Variants in RETSAT observed in about 807,000 individuals in gnomAD.
RETSAT encodes the protein all-trans-retinol 13,14-reductase.
A neutral mutation model predicts 61.6 loss-of-function variants in RETSAT; 35 were observed. That is an observed-to-expected ratio of 0.57 (90% CI 0.43 to 0.75). The LOEUF (loss-of-function observed/expected upper bound fraction) is 0.75. RETSAT is among the 30% of genes least tolerant of loss of function. The pLI, the probability that RETSAT is intolerant of heterozygous loss-of-function variation, is 0.00. For synonymous variants in RETSAT, 277 were observed against 310.4 expected (o/e 0.89, Z 1.13); for missense variants, 670 against 759.5 (o/e 0.88, Z 1.38).
rs1683114138 is a variant in RETSAT, at chr2:85,343,048, C to G, written c.*194G>C. ...GTTATAAAAGGCGTAAAGATCTCAC[C>G]TGCCCCAGCTGGAAGCAGTGATTCC... On this transcript the variant is annotated 3_prime_UTR_variant, in exon 11 of 11. Transcript: ENST00000295802. 1.5e-6 allele frequency: 1 copy of G among 648,732 alleles called. No homozygotes were observed. Among genetic ancestry groups the G allele is most frequent in the Non-Finnish European group, 2.6e-6 (1 of 384,330 alleles). The allele number at this position is 648,732 out of a possible 1,614,324, so 40.2% of individuals were successfully genotyped here.
intron 6 of RETSAT, among the ~76,000 whole-genome samples, chr2:85,345,053 A>G (rs1683170611): frequency 6.6e-6 from 1 of 152,160 alleles, no homozygotes. Context: ...TCAGGGTCAC[A>G]GAGAGAAAGG....
chr2:85,350,012 C>T (rs1683270500), intron 4 of RETSAT, 28 bp downstream of exon 4: 1 of 1,604,096 alleles, frequency 6.2e-7, no homozygotes, highest in Non-Finnish European at 8.5e-7. Context: ...CCTCCAGAAG[C>T]TGCCCAGAGC....
At chr2:85,344,928 G>A (rs1683168192) in intron 6 of RETSAT, among the ~76,000 whole-genome samples, 196 bp from the exon 7 acceptor site, 1 of 152,190 alleles carries the variant, frequency 6.6e-6, no homozygotes, top group Non-Finnish European at 1.5e-5. Flanking sequence ...CATAGACAAG[G>A]GAAAATTGTA....
rs769534348 is a variant in RETSAT, at chr2:85,351,805, A to G, written c.230T>C (p.Phe77Ser). The G allele has an allele frequency of 3.1e-6, 5 of 1,613,986 alleles. No individual in the cohort carries two copies. In the African/African-American group the frequency reaches 4.0e-5, roughly 13 times the overall value. The change falls in exon 2 of 11, where the codon TTT becomes TCT. Residue 77 changes from phenylalanine (F) to serine (S), a missense_variant. Transcript: ENST00000295802. ...AATTGCAGCTGCAGCCAGGCCCCCA[A>G]AGCCACTGCCAATTACCACCACATC... ...KLDVVVIGSG[F>S]GGLAAAAILA...
intron 1 of RETSAT, 63 bp downstream of exon 1, chr2:85,354,273 G>T: frequency 6.3e-7 from 1 of 1,591,176 alleles, no homozygotes; most frequent in Admixed American, 1.7e-5. Context: ...TTGGCAAAAT[G>T]AGAACCCAAA....
At position 85,349,418 on chromosome 2, in the gene RETSAT, C is replaced by T; in HGVS notation, c.963G>A (p.Gln321=). The change falls in exon 5 of 11, where the codon CAG becomes CAA. Residue 321 remains glutamine (Q), a synonymous_variant. Transcript: ENST00000295802. Reference sequence around the variant, plus strand: ...TCCCAGCTGAGTCCAGCAACACACTCTGCACAGTGGCCTTTGTGAGGACAG... The same window carrying T: ...TCCCAGCTGAGTCCAGCAACACACTTTGCACAGTGGCCTTTGTGAGGACAG... ...GGAVLTKATV[Q]SVLLDSAGKA... 2 of 1,614,196 alleles carry T rather than the reference C, an allele frequency of 1.2e-6. No individual in the cohort carries two copies. The highest frequency in any genetic ancestry group is 8.5e-7 in the Non-Finnish European group (1 of 1,180,024).
chr2:85,354,011 A>G (rs555966998), intron 1 of RETSAT, among the ~76,000 whole-genome samples: 2 of 152,322 alleles, frequency 1.3e-5, no homozygotes, highest in African/African-American at 4.8e-5. Context: ...AGGTCCTGGA[A>G]CCAAGTGGAG....
At chr2:85,344,462 A>G in intron 7 of RETSAT, 114 bp from the exon 8 acceptor site, 2 of 1,526,640 alleles carry the variant, frequency 1.3e-6, no homozygotes, top group South Asian at 2.4e-5. Context: ...GCTGAGCCAC[A>G]GCCTTGGCGT....
At chr2:85,343,565 G>C in intron 10 of RETSAT, 74 bp downstream of exon 10, 1 of 1,583,982 alleles carries the variant, frequency 6.3e-7, no homozygotes, top group Non-Finnish European at 8.7e-7. Context: ...CAGGGCCTGA[G>C]GGCAGGAACA....
chr2:85,353,927 C>G (rs1426067182), intron 1 of RETSAT, among the ~76,000 whole-genome samples: 1 of 152,180 alleles, frequency 6.6e-6, no homozygotes, highest in Non-Finnish European at 1.5e-5. Flanking sequence ...ACGGGCAAAA[C>G]GCAATTTCCT....
intron 5 of RETSAT, among the ~76,000 whole-genome samples, chr2:85,348,765 T>G (rs1452661398): frequency 6.6e-6 from 1 of 151,948 alleles, no homozygotes; most frequent in Admixed American, 6.6e-5. Context: ...CTTTCTTTTT[T>G]TTTGAGATGG....
rs1375077137 is a variant in RETSAT, at chr2:85,344,245, ATCGGTCCTCCCAGG to A, written c.1346_1359del (p.Thr449IlefsTer19). 1 of 1,613,948 alleles carries A rather than the reference ATCGGTCCTCCCAGG, an allele frequency of 6.2e-7. No individual in the cohort carries two copies. Among genetic ancestry groups the A allele is most frequent in the Admixed American group, 1.7e-5 (1 of 60,000 alleles). ...CCGGGACGTGCAGCCCCACCTGGGAATCGGTCCTCCCAGGTCGGATCTTTGGCTGATGGGAAAGC... is the reference window on the plus strand; with the variant it reads ...CCGGGACGTGCAGCCCCACCTGGGAATCGGATCTTTGGCTGATGGGAAAGC... On this transcript the variant is annotated frameshift_variant, in exon 8 of 11. Coordinates refer to ENST00000295802, the MANE Select transcript of RETSAT (RefSeq NM_017750.4). LOFTEE classifies it high-confidence loss of function.
In RETSAT at chr2:85,350,980, G is replaced by A. The variant is rs772788871; in HGVS notation, c.397C>T (p.Arg133Cys). 5.0e-6 allele frequency: 8 copies of A among 1,614,146 alleles called. No homozygotes were observed. The highest frequency in any genetic ancestry group is 4.0e-5 in the African/African-American group (3 of 75,022). Residue 133 changes from arginine to cysteine, a missense_variant, in exon 3 of 11, where the codon CGT (arginine) becomes TGT (cysteine). Physicochemically the swap from Arg to Cys is radical, Grantham distance 180 (BLOSUM62 -3). Transcript: ENST00000295802. ...IGRMEEGSIG[R>C]FILDQITEGQ... ...TCAGTGATCTGGTCCAAGATAAAACGGCCAATGCTGCCCTCTTCCATACGC... is the reference window on the plus strand; with the variant it reads ...TCAGTGATCTGGTCCAAGATAAAACAGCCAATGCTGCCCTCTTCCATACGC...
chr2:85,351,759 T>C lies in RETSAT; in HGVS notation c.276A>G (p.Arg92=). 6.2e-7 allele frequency: 1 copy of C among 1,614,172 alleles called. No individual in the cohort carries two copies. The highest frequency in any genetic ancestry group is 8.5e-7 in the Non-Finnish European group (1 of 1,180,032). ...AAAILAKAGK[R]VLVLEQHTKA... ...TGGTATGTTGTTCCAGCACCAGGAC[T>C]CGCTTGCCAGCTTTAGCTAGAATTG... Residue 92 remains arginine (R), a synonymous_variant, in exon 2 of 11, where the codon CGA becomes CGG. Transcript: ENST00000295802.
In RETSAT at chr2:85,342,340, C is replaced by G. The variant is rs976394003; in HGVS notation, c.*902G>C. On this transcript the variant is annotated 3_prime_UTR_variant, in exon 11 of 11. Coordinates refer to ENST00000295802, the MANE Select transcript of RETSAT (RefSeq NM_017750.4). ...CTTCCCTCCCTTACCCCACACCTCC[C>G]TGCACTGTCCCCTGCTGTGCCCTTG... The G allele has an allele frequency of 3.0e-5, 5 of 165,974 alleles. No individual in the cohort carries two copies. The highest frequency in any genetic ancestry group is 1.5e-4 in the South Asian group (1 of 6,596). The allele number at this position is 165,974 out of a possible 1,614,324, so 10.3% of individuals were successfully genotyped here.
intron 6 of RETSAT, 173 bp downstream of exon 6, chr2:85,345,802 A>G: frequency 1.2e-6 from 1 of 837,296 alleles, no homozygotes; most frequent in South Asian, 1.4e-5. Context: ...TTTCCCCAAC[A>G]TTAAATGCTA....
chr2:85,350,146 G>A lies in RETSAT; in HGVS notation c.693C>T (p.Phe231=). 5 of 1,614,008 alleles carry A rather than the reference G, an allele frequency of 3.1e-6. No homozygotes were observed. The highest frequency in any genetic ancestry group is 4.2e-6 in the Non-Finnish European group (5 of 1,180,016). The change falls in exon 4 of 11, where the codon TTC becomes TTT. Residue 231 remains phenylalanine, a synonymous_variant. Transcript: ENST00000295802. ...GGGTGGATGCTTGAAGGAATGGAGA[G>A]AAACGAGTCAGCAGCCCACACCTGT... The part of the protein sequence containing the change: ...LLDRCGLLTR[F]SPFLQASTQS...
chr2:85,343,513 C>G, intron 10 of RETSAT, 126 bp downstream of exon 10: 1 of 1,523,594 alleles, frequency 6.6e-7, no homozygotes, highest in Non-Finnish European at 8.9e-7. Context: ...CACAGCCTGC[C>G]CAGGCAGCCC....
Position 85,345,643 on chromosome 2 carries a change from T to G in RETSAT, c.1117+332A>C. 4 of 405,110 alleles carry G rather than the reference T, an allele frequency of 9.9e-6. No homozygotes were observed. In the Admixed American group the frequency reaches 1.4e-4, roughly 14 times the overall value. 25.1% of individuals were successfully genotyped at this position (405,110 alleles called of 1,614,324 possible). On this transcript the variant is annotated intron_variant, in intron 6 of 10. Coordinates refer to ENST00000295802, the MANE Select transcript of RETSAT (RefSeq NM_017750.4). ...CCCTGTGGGCTGCCTGCTCTCCTGC[T>G]TCTCTTCCTGAGGCCTCTTCTCTGG...
Sources: allele counts gnomAD v4.1 joint callset (sites outside exome capture counted in the v4.1 genomes callset), GRCh38; gene constraint gnomAD v4.1.1; transcripts MANE v1.5; gene names NCBI Gene and HGNC (gene_info 2026-07-23, HGNC 2026-07-21).